Variants in LINGO2 observed in about 807,000 individuals in gnomAD.
LINGO2 encodes leucine rich repeat and Ig domain containing 2.
LINGO2 carries 14 observed loss-of-function variants against 30.6 expected under a neutral mutation model. That is an observed-to-expected ratio of 0.46 (90% confidence interval 0.30 to 0.72). The LOEUF (loss-of-function observed/expected upper bound fraction) is 0.72, where lower values mean the gene tolerates loss of function less well. Among genes scored for constraint, LINGO2 ranks in the 30% least tolerant of loss-of-function variants. The probability of loss-of-function intolerance (pLI) is 0.07; values close to 1 mark genes in which losing one functional copy is unlikely to be tolerated. For synonymous variants in LINGO2, 317 were observed against 288.5 expected, an observed-to-expected ratio of 1.10 and a Z score of -1.00; for missense variants, 729 against 751.7, an observed-to-expected ratio of 0.97 and a Z score of 0.35.
At chr9:28,458,431 C>T (rs1338174241) in intron 2 of LINGO2, among the ~76,000 whole-genome samples, 6 of 152,134 alleles carry the variant, frequency 3.9e-5, no homozygotes, top group African/African-American at 1.2e-4. Flanking sequence ...ACAATTTCCA[C>T]CTCTGCTCAC....
intron 4 of LINGO2, among the ~76,000 whole-genome samples, chr9:28,065,198 A>C (rs748445454): frequency 1.3e-5 from 2 of 151,920 alleles, no homozygotes; most frequent in African/African-American, 4.8e-5. Flanking sequence ...AAGTTAAAAA[A>C]AAAAAACAAA....
At chr9:28,032,592 A>T (rs1047375437) in intron 4 of LINGO2, among the ~76,000 whole-genome samples, 1 of 152,216 alleles carries the variant, frequency 6.6e-6, no homozygotes, top group Non-Finnish European at 1.5e-5. Flanking sequence ...GAGGCAACAT[A>T]AATGTTTTTA....
chr9:28,837,900 A>C, the LINGO2 span, among the ~76,000 whole-genome samples: 1 of 151,612 alleles, frequency 6.6e-6, no homozygotes, highest in African/African-American at 2.4e-5. Flanking sequence ...TTCCAGAAAA[A>C]GTAGATTTAA....
At chr9:29,211,546 T>C in the LINGO2 span, among the ~76,000 whole-genome samples, 2 of 150,374 alleles carry the variant, frequency 1.3e-5, no homozygotes, top group African/African-American at 4.9e-5. Context: ...AGACCATGAC[T>C]TCCTTCTCAT....
At chr9:29,020,967 T>G in the LINGO2 span, among the ~76,000 whole-genome samples, 1 of 151,960 alleles carries the variant, frequency 6.6e-6, no homozygotes, top group Non-Finnish European at 1.5e-5. Context: ...ATAATAAAAG[T>G]CAAAGAAGAG....
At chr9:27,981,354 C>T (rs1195014333) in intron 5 of LINGO2, among the ~76,000 whole-genome samples, 1 of 151,060 alleles carries the variant, frequency 6.6e-6, no homozygotes, top group African/African-American at 2.4e-5. Context: ...GTAACTTTCC[C>T]CTTATCACAC....
chr9:28,982,059 G>A, the LINGO2 span, among the ~76,000 whole-genome samples: 2 of 152,092 alleles, frequency 1.3e-5, no homozygotes, highest in East Asian at 1.9e-4. Flanking sequence ...TATGGTTTAT[G>A]AGTGTGTTTC....
the LINGO2 span, among the ~76,000 whole-genome samples, chr9:28,985,489 A>T: frequency 6.6e-6 from 1 of 152,106 alleles, no homozygotes. Flanking sequence ...CCAACAGGGT[A>T]CAAAATTTCC....
chr9:28,536,638 A>C (rs1330204488), intron 1 of LINGO2, among the ~76,000 whole-genome samples: 2 of 152,150 alleles, frequency 1.3e-5, no homozygotes, highest in African/African-American at 4.8e-5. Context: ...GTGTATTCTA[A>C]TTCTGAGAAA....
At position 28,224,221 on chromosome 9, in the gene LINGO2, T is replaced by C. The variant is rs571122389; in HGVS notation, c.-87+70987A>G. Among the ~76,000 whole-genome samples the C allele has an allele frequency of 2.6e-4, 40 of 152,212 alleles. No individual in the cohort carries two copies. In the South Asian group the frequency reaches 2.7e-3, roughly 10 times the overall value. On this transcript the variant is annotated intron_variant, in intron 4 of 5. Transcript: ENST00000379992. ...CTGGGACTACAGGTGCCCGCCACCA[T>C]GCCCAGTTAATTTTTTCTATTTTTA...
chr9:28,901,805 A>C, the LINGO2 span, among the ~76,000 whole-genome samples: 1 of 152,088 alleles, frequency 6.6e-6, no homozygotes, highest in Non-Finnish European at 1.5e-5. Flanking sequence ...TAAGTTACAG[A>C]ACAACCAGAA....
the LINGO2 span, among the ~76,000 whole-genome samples, chr9:29,007,932 T>C: frequency 6.6e-6 from 1 of 152,160 alleles, no homozygotes; most frequent in African/African-American, 2.4e-5. Context: ...TTTTTATTTC[T>C]TTTTTAAATT....
chr9:28,348,507 G>C (rs1372097402), intron 3 of LINGO2, among the ~76,000 whole-genome samples: 1 of 152,172 alleles, frequency 6.6e-6, no homozygotes, highest in African/African-American at 2.4e-5. Flanking sequence ...AATGCCCACA[G>C]AGTCTCGCTG....
intron 4 of LINGO2, among the ~76,000 whole-genome samples, chr9:28,249,033 C>T (rs1822103272): frequency 6.6e-6 from 1 of 152,058 alleles, no homozygotes; most frequent in South Asian, 2.1e-4. Context: ...CTTACTAACT[C>T]CTTCACCATG....
At chr9:28,218,790 T>A (rs1820858442) in intron 4 of LINGO2, among the ~76,000 whole-genome samples, 1 of 152,082 alleles carries the variant, frequency 6.6e-6, no homozygotes, top group Non-Finnish European at 1.5e-5. Context: ...GTGAAGGCCA[T>A]GAGACCCTGA....
chr9:28,059,651 T>C (rs1358237147), intron 4 of LINGO2, among the ~76,000 whole-genome samples: 2 of 152,150 alleles, frequency 1.3e-5, no homozygotes, highest in African/African-American at 4.8e-5. Flanking sequence ...CTAGCAACTT[T>C]TGTGGGAAGA....
intron 5 of LINGO2, among the ~76,000 whole-genome samples, chr9:27,961,418 C>T (rs890495172): frequency 6.6e-6 from 1 of 152,106 alleles, no homozygotes; most frequent in Admixed American, 6.6e-5. Flanking sequence ...GAGGTACAGA[C>T]ATAGCGAATA....
At chr9:28,615,847 A>G (rs1826110434) in intron 1 of LINGO2, among the ~76,000 whole-genome samples, 1 of 152,168 alleles carries the variant, frequency 6.6e-6, no homozygotes, top group South Asian at 2.1e-4. Context: ...ATAGAAATCT[A>G]TTATGTCATT....
intron 4 of LINGO2, among the ~76,000 whole-genome samples, chr9:28,150,980 C>A (rs1055347124): frequency 6.6e-6 from 1 of 152,172 alleles, no homozygotes; most frequent in East Asian, 1.9e-4. Flanking sequence ...AAGAAACACA[C>A]AATTGCAAAG....
Sources: gnomAD v4.1 joint callset for allele counts (sites outside exome capture counted in the v4.1 genomes callset) on GRCh38, gnomAD v4.1.1 for gene constraint, MANE v1.5 for transcripts, NCBI Gene and HGNC (gene_info 2026-07-23, HGNC 2026-07-21) for gene names.